CTNND2: variants seen among roughly 807,000 people sequenced by gnomAD.
CTNND2 encodes catenin delta-2.
A neutral mutation model predicts 144.4 loss-of-function variants in CTNND2; 22 were observed. That is an observed-to-expected ratio of 0.15 (90% CI 0.11 to 0.22). CTNND2 has a LOEUF of 0.22. CTNND2 is among the 10% of genes least tolerant of loss of function. CTNND2 has a pLI of 1.00. For missense variants in CTNND2, 1,353 were observed against 1,618.8 expected (o/e 0.84, Z 2.82); for synonymous variants, 751 against 695.6 (o/e 1.08, Z -1.25).
At chr5:11,848,573 C>T (rs1160999906) in intron 1 of CTNND2, among the ~76,000 whole-genome samples, 1 of 151,934 alleles carries the variant, frequency 6.6e-6, no homozygotes, top group African/African-American at 2.4e-5. Context: ...TACACAATGG[C>T]AATGTTTACT....
At chr5:11,833,861 T>C (rs1182724098) in intron 1 of CTNND2, among the ~76,000 whole-genome samples, 1 of 152,202 alleles carries the variant, frequency 6.6e-6, no homozygotes, top group African/African-American at 2.4e-5. Flanking sequence ...TGCAGTCACA[T>C]GATAGTACAC....
intron 2 of CTNND2, among the ~76,000 whole-genome samples, chr5:11,642,817 A>T (rs1782137482): frequency 6.6e-6 from 1 of 152,224 alleles, no homozygotes. Context: ...TCAACCCCTG[A>T]ATTCTTTTTA....
rs566075118 is a variant in CTNND2, at chr5:11,786,375, C to G, written c.38-54103G>C. On this transcript the variant is annotated intron_variant, in intron 1 of 21. Transcript: ENST00000304623. Reference sequence around the variant, plus strand: ...AACACTTTTTAAAGTGATGCAGTTTCCCAAGATGCTCTCTGTCTGATAAAT... The same window carrying G: ...AACACTTTTTAAAGTGATGCAGTTTGCCAAGATGCTCTCTGTCTGATAAAT... Among the ~76,000 whole-genome samples, 13 of 152,296 alleles carry G rather than the reference C, an allele frequency of 8.5e-5. No homozygotes were observed. The East Asian group carries it at 2.5e-3, about 29-fold the overall frequency.
chr5:11,047,719 C>A (rs1433162797), intron 16 of CTNND2, among the ~76,000 whole-genome samples: 2 of 152,098 alleles, frequency 1.3e-5, no homozygotes, highest in African/African-American at 4.8e-5. Flanking sequence ...ACTGTGAGTG[C>A]CATTTTTTCT....
intron 1 of CTNND2, among the ~76,000 whole-genome samples, chr5:11,750,017 C>G (rs748970736): frequency 4.6e-5 from 7 of 151,996 alleles, no homozygotes; most frequent in Non-Finnish European, 7.4e-5. Flanking sequence ...AGTGCTCACA[C>G]TGAAGCCAGT....
chr5:11,589,091 A>ATTC (rs1219922973), intron 2 of CTNND2: 1 of 949,748 alleles, frequency 1.1e-6, no homozygotes, highest in Admixed American at 6.2e-5. Flanking sequence ...AAGAGAAAAG[A>ATTC]ATAGAGTTCA....
At chr5:11,383,019 C>T (rs933074649) in intron 7 of CTNND2, among the ~76,000 whole-genome samples, 1 of 152,164 alleles carries the variant, frequency 6.6e-6, no homozygotes, top group Admixed American at 6.5e-5. Context: ...CTCTATTCAG[C>T]TCCATTCACC....
At chr5:11,131,767 C>T (rs983988067) in intron 12 of CTNND2, among the ~76,000 whole-genome samples, 7 of 151,888 alleles carry the variant, frequency 4.6e-5, no homozygotes, top group South Asian at 2.1e-4. Context: ...CCAGCCTGGG[C>T]GATAGAGCGA....
chr5:11,466,337 G>A (rs1308969425), intron 3 of CTNND2, among the ~76,000 whole-genome samples: 2 of 152,100 alleles, frequency 1.3e-5, no homozygotes, highest in African/African-American at 2.4e-5. Flanking sequence ...TAGCTCATTT[G>A]GAACAACTAC....
intron 11 of CTNND2, among the ~76,000 whole-genome samples, chr5:11,173,882 G>GTTGGTTT (rs1560969236): frequency 6.6e-6 from 1 of 152,196 alleles, no homozygotes; most frequent in Non-Finnish European, 1.5e-5. Context: ...CAAAAGGATG[G>GTTGGTTT]TTGGTTTTTA....
intron 2 of CTNND2, among the ~76,000 whole-genome samples, chr5:11,722,354 G>A (rs1786736203): frequency 1.3e-5 from 2 of 152,244 alleles, no homozygotes; most frequent in South Asian, 4.1e-4. Flanking sequence ...TGAAATTAAT[G>A]GTTACACAGT....
At chr5:10,981,962 C>A in intron 20 of CTNND2, 116 bp from the exon 21 acceptor site, 1 of 766,330 alleles carries the variant, frequency 1.3e-6, no homozygotes, top group Non-Finnish European at 2.2e-6. Flanking sequence ...GGGACCATTC[C>A]AAGTAGAAGA....
chr5:11,229,680 A>G (rs1270190900), intron 10 of CTNND2, among the ~76,000 whole-genome samples: 1 of 151,504 alleles, frequency 6.6e-6, no homozygotes, highest in Non-Finnish European at 1.5e-5. Flanking sequence ...GTGTATATAT[A>G]TAACTGTGTA....
chr5:11,458,709 C>A (rs535812022), intron 3 of CTNND2, among the ~76,000 whole-genome samples: 3 of 152,308 alleles, frequency 2.0e-5, no homozygotes, highest in African/African-American at 7.2e-5. Context: ...TCATAAGGTA[C>A]AACTTTAGCA....
chr5:11,167,755 G>C (rs989932772), intron 11 of CTNND2, among the ~76,000 whole-genome samples: 3 of 151,288 alleles, frequency 2.0e-5, no homozygotes, highest in African/African-American at 4.9e-5. Flanking sequence ...GAGTGCAGCG[G>C]CGTGATCATG....
In CTNND2 at chr5:11,880,646, CACT is replaced by C. The variant is rs1334078121; in HGVS notation, c.37+23168_37+23170del. Among the ~76,000 whole-genome samples, 12 of 123,308 alleles carry C rather than the reference CACT, an allele frequency of 9.7e-5. 1 individual carries two copies. Among genetic ancestry groups the C allele is most frequent in the Admixed American group, 1.7e-4 (2 of 11,870 alleles). The allele number at this position is 123,308 out of a possible 152,430, so 80.9% of individuals were successfully genotyped here. A position where few individuals can be genotyped will look rare whatever the true frequency, so the allele number is the denominator to read the frequency against. ...CTGCTACTAGTACTACTACTACTAC[CACT>C]ACTACTATCACCACTACTACTACTC... is the stretch of plus-strand genomic sequence containing the variant. On this transcript the variant is annotated intron_variant, in intron 1 of 21. Transcript: ENST00000304623.
chr5:11,077,705 A>C (rs1349178301), intron 16 of CTNND2, among the ~76,000 whole-genome samples: 2 of 152,116 alleles, frequency 1.3e-5, no homozygotes, highest in Non-Finnish European at 2.9e-5. Flanking sequence ...ATCTAGGGTG[A>C]AGGAAGCACA....
At chr5:11,394,391 G>C (rs1759888772) in intron 6 of CTNND2, among the ~76,000 whole-genome samples, 3 of 152,174 alleles carry the variant, frequency 2.0e-5, no homozygotes, top group Admixed American at 1.3e-4. Flanking sequence ...GGTGAAGGTT[G>C]ACCTGGAAGA....
At chr5:11,371,633 AAATTTGCTATTTAAAGGGCCCC>A (rs1190126226) in intron 7 of CTNND2, among the ~76,000 whole-genome samples, 2 of 152,222 alleles carry the variant, frequency 1.3e-5, no homozygotes, top group Non-Finnish European at 2.9e-5. Context: ...TTCAAAACTT[AAATTTGCTATTTAAAGGGCCCC>A]AAAATATTTT....
Sources: allele counts gnomAD v4.1 joint callset (sites outside exome capture counted in the v4.1 genomes callset), GRCh38; gene constraint gnomAD v4.1.1; transcripts MANE v1.5; gene names NCBI Gene and HGNC (gene_info 2026-07-23, HGNC 2026-07-21).